The following TCF12 variants were observed in gnomAD, a reference collection of about 807,000 sequenced individuals.
TCF12 encodes transcription factor 12, also known as DNA-binding protein HTF4.
TCF12 carries 45 observed loss-of-function variants against 86.0 expected under a neutral mutation model. The observed-to-expected ratio is 0.52, with a 90% confidence interval of 0.41 to 0.67. The LOEUF (loss-of-function observed/expected upper bound fraction) is 0.67, where lower values mean the gene tolerates loss of function less well. TCF12 is among the 30% of genes least tolerant of loss of function. The probability of loss-of-function intolerance (pLI) is 0.00; values close to 1 mark genes in which losing one functional copy is unlikely to be tolerated. For missense variants in TCF12, 881 were observed against 859.9 expected, an observed-to-expected ratio of 1.02 and a Z score of -0.31; for synonymous variants, 330 against 299.6, an observed-to-expected ratio of 1.10 and a Z score of -1.05.
At chr15:57,185,017 C>T (rs1320987739) in intron 6 of TCF12, among the ~76,000 whole-genome samples, 1 of 152,098 alleles carries the variant, frequency 6.6e-6, no homozygotes, top group East Asian at 1.9e-4. Flanking sequence ...CTTTCTCTCC[C>T]AATGTACCAA....
At chr15:57,131,779 A>T (rs1263771365) in intron 5 of TCF12, among the ~76,000 whole-genome samples, 1 of 152,226 alleles carries the variant, frequency 6.6e-6, no homozygotes, top group East Asian at 1.9e-4. Context: ...CGTTCTACAG[A>T]TTAATAAATT....
At chr15:57,142,372 A>G (rs2053039767) in intron 5 of TCF12, among the ~76,000 whole-genome samples, 1 of 137,430 alleles carries the variant, frequency 7.3e-6, no homozygotes, top group African/African-American at 2.6e-5. Context: ...TTACATATAT[A>G]TGTCTATACA....
chr15:57,061,515 A>C (rs1596340956), intron 3 of TCF12, among the ~76,000 whole-genome samples: 1 of 152,200 alleles, frequency 6.6e-6, no homozygotes, highest in African/African-American at 2.4e-5. Context: ...AGGCAGGAGG[A>C]TCACTTGAGC....
At chr15:56,977,612 C>G (rs2062678440) in intron 3 of TCF12, among the ~76,000 whole-genome samples, 1 of 151,778 alleles carries the variant, frequency 6.6e-6, no homozygotes, top group African/African-American at 2.4e-5. Context: ...GAGGTGGAGA[C>G]AGCGTTTGTA....
At chr15:57,190,717 A>C (rs1421451895) in intron 6 of TCF12, among the ~76,000 whole-genome samples, 1 of 152,152 alleles carries the variant, frequency 6.6e-6, no homozygotes, top group Non-Finnish European at 1.5e-5. Flanking sequence ...GAATCTCTGA[A>C]TTATAAATGA....
intron 19 of TCF12, among the ~76,000 whole-genome samples, chr15:57,281,274 G>T (rs1433535386): frequency 6.6e-6 from 1 of 152,054 alleles, no homozygotes; most frequent in Non-Finnish European, 1.5e-5. Flanking sequence ...ACGCAGTCTT[G>T]TTTGCTATCT....
intron 19 of TCF12, among the ~76,000 whole-genome samples, chr15:57,275,865 G>C (rs946696155): frequency 6.6e-6 from 1 of 152,166 alleles, no homozygotes; most frequent in Non-Finnish European, 1.5e-5. Flanking sequence ...TCCCAGAGAA[G>C]AGTGGCTTCT....
intron 3 of TCF12, among the ~76,000 whole-genome samples, chr15:57,004,933 G>A (rs2064259599): frequency 6.6e-6 from 1 of 152,136 alleles, no homozygotes; most frequent in Non-Finnish European, 1.5e-5. Flanking sequence ...CTGATCTTTA[G>A]AGTATTAGCT....
At chr15:57,125,049 G>A (rs1489765484) in intron 5 of TCF12, among the ~76,000 whole-genome samples, 3 of 152,174 alleles carry the variant, frequency 2.0e-5, no homozygotes, top group Non-Finnish European at 4.4e-5. Flanking sequence ...TTATGTCTAA[G>A]CATTGCCTTA....
chr15:57,042,603 G>T (rs375817465), intron 3 of TCF12, among the ~76,000 whole-genome samples: 1 of 152,088 alleles, frequency 6.6e-6, no homozygotes, highest in Admixed American at 6.6e-5. Flanking sequence ...TTGTGGAGAC[G>T]GGATCGCACT....
chr15:57,245,949 CCATAG>C (rs2059838174), intron 13 of TCF12, among the ~76,000 whole-genome samples: 1 of 152,018 alleles, frequency 6.6e-6, no homozygotes, highest in African/African-American at 2.4e-5. Flanking sequence ...CCTTACCCAC[CCATAG>C]CAGGGCAGAG....
intron 3 of TCF12, among the ~76,000 whole-genome samples, chr15:56,924,698 G>A (rs1322727413): frequency 6.6e-6 from 1 of 152,208 alleles, no homozygotes; most frequent in Non-Finnish European, 1.5e-5. Context: ...ATTAATGAGA[G>A]TAACCACAGA....
chr15:57,263,319 G>A (rs1316888353), intron 18 of TCF12, 45 bp downstream of exon 18: 8 of 1,575,302 alleles, frequency 5.1e-6, no homozygotes, highest in Admixed American at 2.0e-5. Flanking sequence ...ATTTTCCATA[G>A]GTAAACATAC....
intron 3 of TCF12, among the ~76,000 whole-genome samples, chr15:56,999,818 G>A (rs1165205438): frequency 6.6e-6 from 1 of 152,124 alleles, no homozygotes; most frequent in Non-Finnish European, 1.5e-5. Context: ...TGGTTGCACT[G>A]AGACAAGATG....
At chr15:56,990,698 T>A (rs2063410701) in intron 3 of TCF12, among the ~76,000 whole-genome samples, 1 of 152,228 alleles carries the variant, frequency 6.6e-6, no homozygotes, top group South Asian at 2.1e-4. Context: ...GTTCTTGGGT[T>A]ATGATTCTGA....
chr15:57,191,191 C>A (rs1351608297), intron 6 of TCF12, among the ~76,000 whole-genome samples: 2 of 152,204 alleles, frequency 1.3e-5, no homozygotes, highest in African/African-American at 4.8e-5. Context: ...GGGCCAGCTG[C>A]AGTGGCTCAC....
At chr15:57,051,145 G>A (rs1567322296) in intron 3 of TCF12, among the ~76,000 whole-genome samples, 1 of 152,138 alleles carries the variant, frequency 6.6e-6, no homozygotes, top group Non-Finnish European at 1.5e-5. Flanking sequence ...TAAATTATTG[G>A]TTGATTATCT....
intron 5 of TCF12, among the ~76,000 whole-genome samples, chr15:57,111,191 T>A (rs1290534128): frequency 6.6e-6 from 1 of 152,186 alleles, no homozygotes; most frequent in Non-Finnish European, 1.5e-5. Context: ...CTGGTTGGCT[T>A]CTTGGTGGAA....
intron 4 of TCF12, among the ~76,000 whole-genome samples, chr15:57,078,306 T>TACCTAA (rs1243989768): frequency 6.6e-6 from 1 of 152,206 alleles, no homozygotes; most frequent in African/African-American, 2.4e-5. Flanking sequence ...GACTGGTTTG[T>TACCTAA]ACCTCATTTA....
Sources: gnomAD v4.1 joint callset for allele counts (sites outside exome capture counted in the v4.1 genomes callset) on GRCh38, gnomAD v4.1.1 for gene constraint, MANE v1.5 for transcripts, NCBI Gene and HGNC (gene_info 2026-07-23, HGNC 2026-07-21) for gene names.